The following C10orf67 variants were observed in gnomAD, a reference collection of about 807,000 sequenced individuals.
The protein encoded by C10orf67 is uncharacterized protein C10orf67, mitochondrial.
C10orf67 carries 60 observed loss-of-function variants against 35.6 expected under a neutral mutation model. The observed-to-expected ratio is 1.68, with a 90% CI of 1.37 to 2.09. C10orf67 has a LOEUF of 2.09. Among genes scored for constraint, C10orf67 ranks in the 30% most tolerant of loss-of-function variants. The probability of loss-of-function intolerance (pLI) is 0.00; values close to 1 mark genes in which losing one functional copy is unlikely to be tolerated. For synonymous variants in C10orf67, 167 were observed against 115.8 expected, an observed-to-expected ratio of 1.44 and a Z score of -2.84; for missense variants, 474 against 330.2, an observed-to-expected ratio of 1.44 and a Z score of -3.38.
At chr10:23,289,225 G>T (rs1317526804) in intron 7 of C10orf67, among the ~76,000 whole-genome samples, 1 of 152,128 alleles carries the variant, frequency 6.6e-6, no homozygotes, top group African/African-American at 2.4e-5. Flanking sequence ...GTGCAGTGGT[G>T]CAATTCTAGT....
At chr10:23,295,754 T>C (rs1213543390) in intron 5 of C10orf67, among the ~76,000 whole-genome samples, 1 of 152,198 alleles carries the variant, frequency 6.6e-6, no homozygotes, top group Non-Finnish European at 1.5e-5. Context: ...AAAGTAAAAG[T>C]AAATGTAAAC....
At chr10:23,247,545 T>C (rs1331066980) in intron 12 of C10orf67, among the ~76,000 whole-genome samples, 1 of 152,158 alleles carries the variant, frequency 6.6e-6, no homozygotes, top group African/African-American at 2.4e-5. Flanking sequence ...ATGACACATT[T>C]CTCAGAATCT....
intron 1 of C10orf67, among the ~76,000 whole-genome samples, chr10:23,342,941 G>T (rs996216690): frequency 2.0e-5 from 3 of 152,212 alleles, no homozygotes; most frequent in Non-Finnish European, 2.9e-5. Context: ...TTATACAACG[G>T]TAAGTTCTCC....
At position 23,213,760 on chromosome 10, in the gene C10orf67, A is replaced by G. The variant is rs1394594668; in HGVS notation, c.1571-9505T>C. Among the ~76,000 whole-genome samples, 5 of 152,212 alleles carry G rather than the reference A, an allele frequency of 3.3e-5. No homozygotes were observed. In the East Asian group the frequency reaches 9.6e-4, roughly 29 times the overall value. On this transcript the variant is annotated intron_variant, in intron 15 of 15. Transcript: ENST00000636213. ...TGGGGGAAACGATAAAATACAGAAA[A>G]TGTTATCAACCTAAAAGAAAGCAAG...
chr10:23,210,300 G>C (rs1001968319), intron 15 of C10orf67, among the ~76,000 whole-genome samples: 10 of 152,232 alleles, frequency 6.6e-5, no homozygotes, highest in Middle Eastern at 6.8e-3. Flanking sequence ...AGGAGGCATG[G>C]GCATGTTTAT....
intron 8 of C10orf67, among the ~76,000 whole-genome samples, chr10:23,270,455 C>T (rs1386738839): frequency 1.3e-5 from 2 of 152,190 alleles, no homozygotes; most frequent in Admixed American, 1.3e-4. Flanking sequence ...GGCAGACTAG[C>T]TGCTCAGGCA....
chr10:23,308,060 G>A (rs966386676), intron 4 of C10orf67, among the ~76,000 whole-genome samples: 6 of 152,090 alleles, frequency 3.9e-5, no homozygotes, highest in Admixed American at 3.9e-4. Context: ...TAGGCATTAC[G>A]TATCCAACAG....
chr10:23,287,622 A>G (rs944943207), intron 7 of C10orf67, among the ~76,000 whole-genome samples: 1 of 152,228 alleles, frequency 6.6e-6, no homozygotes, highest in Non-Finnish European at 1.5e-5. Context: ...AAAATTGACG[A>G]ATGGGATCTG....
chr10:23,268,466 A>G (rs1051736696), intron 8 of C10orf67, among the ~76,000 whole-genome samples: 10 of 152,226 alleles, frequency 6.6e-5, no homozygotes, highest in Non-Finnish European at 1.5e-4. Context: ...GATGAGAAAC[A>G]CATCTAACCA....
intron 6 of C10orf67, among the ~76,000 whole-genome samples, 178 bp downstream of exon 6, chr10:23,290,954 C>T (rs576721694): frequency 6.6e-6 from 1 of 152,322 alleles, no homozygotes; most frequent in African/African-American, 2.4e-5. Context: ...ACTACAAACA[C>T]ATCCTCTGTC....
intron 8 of C10orf67, among the ~76,000 whole-genome samples, chr10:23,271,419 A>T (rs1476612273): frequency 6.6e-6 from 1 of 152,248 alleles, no homozygotes; most frequent in Non-Finnish European, 1.5e-5. Context: ...GCTTTTATTT[A>T]TCTTGGGTAA....
chr10:23,214,350 TC>T (rs1459941770), intron 15 of C10orf67, among the ~76,000 whole-genome samples: 1 of 151,786 alleles, frequency 6.6e-6, no homozygotes, highest in Non-Finnish European at 1.5e-5. Context: ...AAATTAGGAG[TC>T]ATTAATTAAA....
chr10:23,245,851 G>A (rs1028195813), intron 12 of C10orf67, among the ~76,000 whole-genome samples: 1 of 152,144 alleles, frequency 6.6e-6, no homozygotes, highest in Admixed American at 6.5e-5. Context: ...CCACTGCTGG[G>A]TATATACCCA....
intron 5 of C10orf67, among the ~76,000 whole-genome samples, chr10:23,293,261 G>T (rs1354584219): frequency 6.6e-6 from 1 of 152,178 alleles, no homozygotes; most frequent in African/African-American, 2.4e-5. Flanking sequence ...AAATACGGGG[G>T]TTTGTCCTCC....
In C10orf67 at chr10:23,223,775, G is replaced by T. The variant is rs776396343; in HGVS notation, c.1478C>A (p.Ala493Asp). ...TGTACAATGACTTGAAGAGGATATA[G>T]CTGTCATGGTCGTTCTAGACTGCAC... Reference protein sequence around the residue: ...LLVQSRTTMTAISSSSHCTSS... With the variant: ...LLVQSRTTMTDISSSSHCTSS... Residue 493 changes from alanine to aspartate, a missense_variant, in exon 14 of 16, where the codon GCT becomes GAT. By Grantham distance (126) the Ala-to-Asp change is moderately radical. Transcript: ENST00000636213. The T allele has an allele frequency of 7.4e-5, 53 of 715,384 alleles. No homozygotes were observed. Among genetic ancestry groups the T allele is most frequent in the South Asian group, 4.9e-4 (33 of 67,520 alleles). 44.3% of individuals were successfully genotyped at this position (715,384 alleles called of 1,614,324 possible).
chr10:23,234,334 T>C (rs1337889296), intron 13 of C10orf67, among the ~76,000 whole-genome samples: 2 of 152,226 alleles, frequency 1.3e-5, no homozygotes, highest in Non-Finnish European at 2.9e-5. Flanking sequence ...CATGGAATAC[T>C]ATGCAGCCAT....
At chr10:23,309,888 G>C (rs11013379) in intron 4 of C10orf67, among the ~76,000 whole-genome samples, 29,165 of 152,092 alleles carry the variant, frequency 0.19, 3,081 homozygotes, top group Admixed American at 0.29. Context: ...TCTTTCAGTC[G>C]GTCCTCAAAC....
At chr10:23,321,886 A>G (rs544867334) in intron 3 of C10orf67, among the ~76,000 whole-genome samples, 2 of 152,162 alleles carry the variant, frequency 1.3e-5, no homozygotes, top group Non-Finnish European at 1.5e-5. Context: ...TCCTGGGCTC[A>G]AGTGATTCCC....
At chr10:23,339,406 A>G (rs796512574) in intron 1 of C10orf67, among the ~76,000 whole-genome samples, 19 of 145,818 alleles carry the variant, frequency 1.3e-4, no homozygotes, top group African/African-American at 5.0e-4. Context: ...AGGCAGCAAA[A>G]AAAAAAAAAA....
Sources: gnomAD v4.1 joint callset for allele counts (sites outside exome capture counted in the v4.1 genomes callset) on GRCh38, gnomAD v4.1.1 for gene constraint, MANE v1.5 for transcripts, NCBI Gene and HGNC (gene_info 2026-07-23, HGNC 2026-07-21) for gene names.